Variants in PALM2AKAP2 observed in about 807,000 individuals in gnomAD.
PALM2AKAP2 encodes the protein PALM2 and AKAP2 fusion, also known as PALM2-AKAP2 fusion protein.
A neutral mutation model predicts 71.5 loss-of-function variants in PALM2AKAP2; 37 were observed. The ratio of observed to expected loss-of-function variants is 0.52; its 90% CI spans 0.40 to 0.68. The LOEUF (loss-of-function observed/expected upper bound fraction) is 0.68, where lower values mean the gene tolerates loss of function less well. Ranked by LOEUF, PALM2AKAP2 falls within the 30% of genes least tolerant of loss-of-function variation. The probability of loss-of-function intolerance (pLI) is 0.00; values close to 1 mark genes in which losing one functional copy is unlikely to be tolerated. For synonymous variants in PALM2AKAP2, 468 were observed against 478.8 expected, an observed-to-expected ratio of 0.98 and a Z score of 0.29; for missense variants, 1,224 against 1,191.8, an observed-to-expected ratio of 1.03 and a Z score of -0.40.
chr9:110,103,191 G>A (rs926061214), intron 1 of PALM2AKAP2, among the ~76,000 whole-genome samples: 2 of 152,120 alleles, frequency 1.3e-5, no homozygotes, highest in African/African-American at 4.8e-5. Flanking sequence ...ACGTTTGTTC[G>A]TAATTCTGTT....
intron 1 of PALM2AKAP2, among the ~76,000 whole-genome samples, chr9:110,051,126 T>A (rs1281297123): frequency 6.6e-6 from 1 of 152,208 alleles, no homozygotes; most frequent in East Asian, 1.9e-4. Context: ...GATGCTAGGA[T>A]GAGAGGAATA....
chr9:110,128,519 C>T (rs12351387), intron 1 of PALM2AKAP2, among the ~76,000 whole-genome samples: 4 of 152,184 alleles, frequency 2.6e-5, no homozygotes, highest in African/African-American at 7.2e-5. Context: ...ATTAAAGGAT[C>T]GGGTCACCTA....
chr9:109,878,583 A>G (rs1309897449), intron 2 of PALM2AKAP2, among the ~76,000 whole-genome samples: 2 of 152,200 alleles, frequency 1.3e-5, no homozygotes, highest in African/African-American at 4.8e-5. Flanking sequence ...TGTATTGTCA[A>G]CACAGAGTCT....
intron 1 of PALM2AKAP2, among the ~76,000 whole-genome samples, chr9:109,836,680 T>C (rs1318674350): frequency 6.6e-6 from 1 of 152,196 alleles, no homozygotes; most frequent in Non-Finnish European, 1.5e-5. Context: ...AGAGAAGTCC[T>C]TAAATGACCT....
chr9:109,661,845 G>T (rs996767088), intron 1 of PALM2AKAP2, among the ~76,000 whole-genome samples: 3 of 152,138 alleles, frequency 2.0e-5, no homozygotes, highest in Non-Finnish European at 4.4e-5. Context: ...ATTTTGTTGA[G>T]CAGTGGTTTG....
At chr9:109,884,448 G>T (rs1300900548) in intron 3 of PALM2AKAP2, among the ~76,000 whole-genome samples, 1 of 152,140 alleles carries the variant, frequency 6.6e-6, no homozygotes, top group Non-Finnish European at 1.5e-5. Flanking sequence ...GCAACAGAGT[G>T]AGACTACATT....
At chr9:109,936,950 T>C (rs1831233331) in intron 6 of PALM2AKAP2, among the ~76,000 whole-genome samples, 1 of 152,230 alleles carries the variant, frequency 6.6e-6, no homozygotes, top group Non-Finnish European at 1.5e-5. Flanking sequence ...TGATTGAACT[T>C]TCCATCCTCC....
Position 109,942,246 on chromosome 9 carries a change from G to A in PALM2AKAP2, c.496+10218G>A, listed in dbSNP as rs117942395. 3.7e-3 allele frequency among the ~76,000 whole-genome samples: 565 copies of A among 152,302 alleles called. 10 individuals carry two copies. In the East Asian group the frequency reaches 0.051, roughly 14 times the overall value. On this transcript the variant is annotated intron_variant, in intron 6 of 9. Transcript: ENST00000302798. The stretch of plus-strand genomic sequence containing the variant: ...ACCTTTGTGGAAATGTAGAGAAAAC[G>A]AAAACACTTGATGAAAGAGGTTTTT...
At chr9:110,098,992 T>G (rs1457186864) in intron 1 of PALM2AKAP2, among the ~76,000 whole-genome samples, 1 of 152,254 alleles carries the variant, frequency 6.6e-6, no homozygotes, top group Non-Finnish European at 1.5e-5. Flanking sequence ...GTTAAGTGAT[T>G]ACTTTCAATT....
At position 109,880,700 on chromosome 9, in the gene PALM2AKAP2, A is replaced by G. The variant is rs1228027176; in HGVS notation, c.257+19A>G. The G allele has an allele frequency of 4.3e-6, 7 of 1,612,860 alleles. No individual in the cohort carries two copies. Among genetic ancestry groups the G allele is most frequent in the Admixed American group, 3.3e-5 (2 of 59,968 alleles). Reference sequence around the variant, plus strand: ...TTCAGAGGTAGGTGGCTTCCAGCCCAGGGAACCCATGCTACAGTTTTTCAG... The same window carrying G: ...TTCAGAGGTAGGTGGCTTCCAGCCCGGGGAACCCATGCTACAGTTTTTCAG... On this transcript the variant is annotated intron_variant, in intron 3 of 9. Transcript: ENST00000302798.
At chr9:110,039,612 A>G (rs1029112471) in intron 7 of PALM2AKAP2, among the ~76,000 whole-genome samples, 1 of 152,176 alleles carries the variant, frequency 6.6e-6, no homozygotes, top group Non-Finnish European at 1.5e-5. Flanking sequence ...CTTTCCTCCT[A>G]GTTCTAACTT....
At chr9:109,971,463 G>T (rs1832067990) in intron 6 of PALM2AKAP2, among the ~76,000 whole-genome samples, 1 of 151,778 alleles carries the variant, frequency 6.6e-6, no homozygotes, top group Non-Finnish European at 1.5e-5. Flanking sequence ...TTTGTGCAGG[G>T]TGTCCAAGCT....
At chr9:109,834,428 G>A (rs1007096596) in intron 1 of PALM2AKAP2, among the ~76,000 whole-genome samples, 2 of 152,168 alleles carry the variant, frequency 1.3e-5, no homozygotes, top group African/African-American at 4.8e-5. Context: ...TGATGTGCCG[G>A]TGAGAGTCTT....
chr9:109,697,864 C>CT (rs1246664345), intron 1 of PALM2AKAP2, among the ~76,000 whole-genome samples: 12 of 152,136 alleles, frequency 7.9e-5, no homozygotes, highest in African/African-American at 2.7e-4. Flanking sequence ...ATGAATTGTG[C>CT]TTTTTGTTAA....
intron 1 of PALM2AKAP2, among the ~76,000 whole-genome samples, chr9:109,756,647 C>T (rs1259164724): frequency 6.6e-6 from 1 of 152,136 alleles, no homozygotes; most frequent in Admixed American, 6.5e-5. Context: ...ATCTGAGTGC[C>T]AGTTGTGGGA....
intron 1 of PALM2AKAP2, among the ~76,000 whole-genome samples, chr9:109,670,674 A>G (rs1827559291): frequency 6.6e-6 from 1 of 152,144 alleles, no homozygotes; most frequent in South Asian, 2.1e-4. Flanking sequence ...TTCTGTCTTT[A>G]GGTCTTTGAG....
intron 1 of PALM2AKAP2, among the ~76,000 whole-genome samples, chr9:110,111,971 A>G (rs550359489): frequency 1.3e-5 from 2 of 152,226 alleles, no homozygotes; most frequent in African/African-American, 4.8e-5. Context: ...GGAGGGGTCC[A>G]TGGCCAGAAC....
chr9:109,827,676 C>T (rs1289789479), intron 1 of PALM2AKAP2, among the ~76,000 whole-genome samples: 1 of 152,080 alleles, frequency 6.6e-6, no homozygotes, highest in Non-Finnish European at 1.5e-5. Context: ...CCATTCTCCC[C>T]CCAGTAAACT....
chr9:109,880,654 T>A, exon 3 of PALM2AKAP2: 1 of 1,613,630 alleles, frequency 6.2e-7, no homozygotes, highest in Non-Finnish European at 8.5e-7. Flanking sequence ...GAGTTCAGAG[T>A]CAAGCAACTT....
Sources: allele counts gnomAD v4.1 joint callset (sites outside exome capture counted in the v4.1 genomes callset), GRCh38; gene constraint gnomAD v4.1.1; transcripts MANE v1.5; gene names NCBI Gene and HGNC (gene_info 2026-07-23, HGNC 2026-07-21).